Variants in DEFB1 observed in about 807,000 individuals in gnomAD.
DEFB1 encodes the protein beta-defensin 1.
Under a neutral mutation model 2.6 loss-of-function variants are expected in DEFB1, and 4 were observed. The ratio of observed to expected loss-of-function variants is 1.53; its 90% CI spans 0.76 to 3.51. The LOEUF (loss-of-function observed/expected upper bound fraction) is 3.51, where lower values mean the gene tolerates loss of function less well. Among genes scored for constraint, DEFB1 ranks in the 30% most tolerant of loss-of-function variants. DEFB1 has a pLI of 0.01. For synonymous variants in DEFB1, 56 were observed against 28.5 expected, an observed-to-expected ratio of 1.96 and a Z score of -3.07; for missense variants, 162 against 76.9, an observed-to-expected ratio of 2.11 and a Z score of -4.14.
At chr8:6,872,576 A>T (rs190126147) in intron 1 of DEFB1, among the ~76,000 whole-genome samples, 102 of 152,280 alleles carry the variant, frequency 6.7e-4, no homozygotes, top group African/African-American at 2.3e-3. Flanking sequence ...ATTGAGGAGA[A>T]TGAGAAAAGA....
intron 1 of DEFB1, 28 bp downstream of exon 1, chr8:6,877,769 G>A: frequency 6.2e-7 from 1 of 1,606,060 alleles, no homozygotes; most frequent in Non-Finnish European, 8.5e-7. Flanking sequence ...CCTGGGGATG[G>A]GAAACTCTTG....
rs1027729160 is a variant in DEFB1, at chr8:6,875,666, G to C, written c.61+2131C>G. 2.6e-4 allele frequency among the ~76,000 whole-genome samples: 40 copies of C among 152,304 alleles called. 1 individual carries two copies. Among genetic ancestry groups the C allele is most frequent in the African/African-American group, 9.4e-4 (39 of 41,554 alleles). On this transcript the variant is annotated intron_variant, in intron 1 of 1. Transcript: ENST00000297439. ...AGGAACTCTTATTCACTGCTTGTGG[G>C]AGTGCAAGTTGGTGTAAATAATCTT... is the stretch of plus-strand genomic sequence containing the variant.
chr8:6,872,864 C>T (rs558775476), intron 1 of DEFB1, among the ~76,000 whole-genome samples: 1 of 152,202 alleles, frequency 6.6e-6, no homozygotes, highest in South Asian at 2.1e-4. Context: ...GCTTTAGTCT[C>T]CCTGCACTGG....
At chr8:6,875,150 A>G (rs964244989) in intron 1 of DEFB1, among the ~76,000 whole-genome samples, 5 of 152,034 alleles carry the variant, frequency 3.3e-5, no homozygotes, top group African/African-American at 1.2e-4. Flanking sequence ...GTAAAAAGAA[A>G]AAGGATAAGC....
At chr8:6,873,973 C>G (rs1401012953) in intron 1 of DEFB1, among the ~76,000 whole-genome samples, 1 of 152,190 alleles carries the variant, frequency 6.6e-6, no homozygotes, top group Non-Finnish European at 1.5e-5. Flanking sequence ...TTGCCTTCAC[C>G]TTGTGTTAGA....
chr8:6,877,390 C>A (rs1806571271), intron 1 of DEFB1, among the ~76,000 whole-genome samples: 1 of 152,222 alleles, frequency 6.6e-6, no homozygotes. Context: ...CTCACCTGTA[C>A]CAGGGCACCC....
chr8:6,873,461 C>G (rs560492144), intron 1 of DEFB1, among the ~76,000 whole-genome samples: 19 of 152,310 alleles, frequency 1.2e-4, no homozygotes, highest in African/African-American at 4.3e-4. Flanking sequence ...TGATCTTTTG[C>G]AAACCACTCA....
chr8:6,872,842 T>C (rs768925229), intron 1 of DEFB1, among the ~76,000 whole-genome samples: 1 of 152,144 alleles, frequency 6.6e-6, no homozygotes, highest in Non-Finnish European at 1.5e-5. Flanking sequence ...TCTGCCAAAG[T>C]CTCCACTTTC....
chr8:6,874,101 A>C (rs1438626134), intron 1 of DEFB1, among the ~76,000 whole-genome samples: 1 of 151,368 alleles, frequency 6.6e-6, no homozygotes, highest in East Asian at 1.9e-4. Context: ...CAAAAAGAAC[A>C]GCTAGAATAT....
chr8:6,870,900 C>G (rs1806288512), intron 1 of DEFB1, 74 bp from the exon 2 acceptor site: 1 of 1,499,774 alleles, frequency 6.7e-7, no homozygotes, highest in South Asian at 1.3e-5. Flanking sequence ...CTCGCGAAAG[C>G]AGAACAAATA....
At chr8:6,875,492 T>C (rs1354868167) in intron 1 of DEFB1, among the ~76,000 whole-genome samples, 1 of 152,140 alleles carries the variant, frequency 6.6e-6, no homozygotes, top group Non-Finnish European at 1.5e-5. Flanking sequence ...AATAACCCAG[T>C]TGCCTGTAAC....
chr8:6,873,692 G>A (rs1454783260), intron 1 of DEFB1, among the ~76,000 whole-genome samples: 1 of 152,174 alleles, frequency 6.6e-6, no homozygotes, highest in Non-Finnish European at 1.5e-5. Context: ...AGGAGGCAGA[G>A]GAGTGTGGAA....
At chr8:6,873,766 C>G (rs1238265265) in intron 1 of DEFB1, among the ~76,000 whole-genome samples, 4 of 152,046 alleles carry the variant, frequency 2.6e-5, no homozygotes, top group Non-Finnish European at 5.9e-5. Flanking sequence ...TCCTCAGCAT[C>G]TGAGTGGGTC....
chr8:6,876,458 C>T (rs5743433), intron 1 of DEFB1, among the ~76,000 whole-genome samples: 4,284 of 151,984 alleles, frequency 0.028, 105 homozygotes, highest in South Asian at 0.081. Flanking sequence ...GCCTGGGTGA[C>T]AGAGCAAGAC....
intron 1 of DEFB1, among the ~76,000 whole-genome samples, chr8:6,871,468 C>G (rs562072072): frequency 2.6e-5 from 4 of 152,240 alleles, no homozygotes; most frequent in African/African-American, 9.6e-5. Flanking sequence ...CAACAGGGAA[C>G]AGTCGCCTGT....
chr8:6,874,756 C>G (rs1026756066), intron 1 of DEFB1, among the ~76,000 whole-genome samples: 1 of 152,046 alleles, frequency 6.6e-6, no homozygotes, highest in African/African-American at 2.4e-5. Flanking sequence ...CAGAGGCAGG[C>G]AGATAACTTG....
intron 1 of DEFB1, among the ~76,000 whole-genome samples, chr8:6,875,159 G>T (rs976675777): frequency 6.6e-6 from 1 of 150,594 alleles, no homozygotes; most frequent in Non-Finnish European, 1.5e-5. Context: ...AAAAGGATAA[G>T]CTTTTAGAAG....
At chr8:6,874,476 A>G (rs1440214559) in intron 1 of DEFB1, among the ~76,000 whole-genome samples, 1 of 152,246 alleles carries the variant, frequency 6.6e-6, no homozygotes, top group African/African-American at 2.4e-5. Context: ...TAGCCAAGAC[A>G]CATTTGGAAA....
chr8:6,874,730 C>G (rs1806456146), intron 1 of DEFB1, among the ~76,000 whole-genome samples: 1 of 152,058 alleles, frequency 6.6e-6, no homozygotes, highest in Admixed American at 6.6e-5. Flanking sequence ...GGCTGTAATC[C>G]CAGCACTTTG....
Sources: gnomAD v4.1 joint callset for allele counts (sites outside exome capture counted in the v4.1 genomes callset) on GRCh38, gnomAD v4.1.1 for gene constraint, MANE v1.5 for transcripts, NCBI Gene and HGNC (gene_info 2026-07-23, HGNC 2026-07-21) for gene names.